The following GIPC3 variants were observed in gnomAD, a reference collection of about 807,000 sequenced individuals.
GIPC3 encodes the protein PDZ domain-containing protein GIPC3.
Under a neutral mutation model 27.3 loss-of-function variants are expected in GIPC3, and 16 were observed. That is an observed-to-expected ratio of 0.59 (90% confidence interval 0.40 to 0.89). GIPC3 has a LOEUF of 0.89. Among genes scored for constraint, GIPC3 ranks in the 40% least tolerant of loss-of-function variants. The probability of loss-of-function intolerance (pLI) is 0.00; values close to 1 mark genes in which losing one functional copy is unlikely to be tolerated. For synonymous variants in GIPC3, 194 were observed against 184.6 expected, an observed-to-expected ratio of 1.05 and a Z score of -0.41; for missense variants, 440 against 442.1, an observed-to-expected ratio of 1.00 and a Z score of 0.04.
chr19:3,589,314 C>G (rs1030643346), intron 3 of GIPC3, 129 bp from the exon 4 acceptor site: 4 of 729,264 alleles, frequency 5.5e-6, no homozygotes, highest in African/African-American at 5.2e-5. Context: ...GGAGACTTGC[C>G]GTACAGATGT....
In GIPC3 at chr19:3,590,034, C is replaced by T. The variant is rs528822982; in HGVS notation, c.788-5C>T. On this transcript the variant is annotated splice_region_variant and splice_polypyrimidine_tract_variant and intron_variant, in intron 5 of 5. Transcript: ENST00000644452. The stretch of plus-strand genomic sequence containing the variant: ...CACTGACATCCCCTCTGGCACGGCC[C>T]GCAGCGTCCACCATGGTGGAGACGT... 38 of 1,612,568 alleles carry T rather than the reference C, an allele frequency of 2.4e-5. No homozygotes were observed. The highest frequency in any genetic ancestry group is 4.4e-5 in the South Asian group (4 of 90,986).
rs2032475416 is a variant in GIPC3, at chr19:3,590,801, CGAGCCCAGCTCTAG to C, written c.*612_*625del. ...CTAGAACTCAGATGGGCTCTGAGAC[CGAGCCCAGCTCTAG>C]AACTCAGATGGGCTCTGAGACCATG... On this transcript the variant is annotated 3_prime_UTR_variant, in exon 6 of 6. Transcript: ENST00000644452. 1 of 1,234,744 alleles carries C rather than the reference CGAGCCCAGCTCTAG, an allele frequency of 8.1e-7. No individual in the cohort carries two copies. Among genetic ancestry groups the C allele is most frequent in the Non-Finnish European group, 1.0e-6 (1 of 989,858 alleles). The allele number at this position is 1,234,744 out of a possible 1,614,324, so 76.5% of individuals were successfully genotyped here. A position where few individuals can be genotyped will look rare whatever the true frequency, so the allele number is the denominator to read the frequency against.
chr19:3,586,776 G>T (rs761450311), intron 2 of GIPC3, 38 bp from the exon 3 acceptor site: 2 of 1,612,672 alleles, frequency 1.2e-6, no homozygotes, highest in Non-Finnish European at 1.7e-6. Context: ...GAGGCGGGTG[G>T]CTGGGGTTGC....
intron 3 of GIPC3, among the ~76,000 whole-genome samples, chr19:3,587,786 G>T (rs1031481887): frequency 6.8e-6 from 1 of 146,336 alleles, no homozygotes; most frequent in Non-Finnish European, 1.5e-5. Flanking sequence ...CGCCTCCCGG[G>T]TTCACACCAT....
Position 3,586,968 on chromosome 19 carries a change from G to A in GIPC3, c.566G>A (p.Arg189His). 1 of 1,612,868 alleles carries A rather than the reference G, an allele frequency of 6.2e-7. No homozygotes were observed. Residue 189 changes from arginine (R) to histidine (H), a missense_variant, in exon 3 of 6, where the codon CGC (arginine) becomes CAC (histidine). Arg to His is a conservative substitution (Grantham distance 29). Coordinates refer to ENST00000644452, the MANE Select transcript of GIPC3 (RefSeq NM_133261.3). Reference protein sequence around the residue: ...ELPKSQPFTLRLVQPKRAFDM... With the variant: ...ELPKSQPFTLHLVQPKRAFDM... Reference sequence around the variant, plus strand: ...CCCAAGTCCCAGCCCTTCACCCTGCGCCTGGTGCAGCCCAAGAGGGCCTTC... The same window carrying A: ...CCCAAGTCCCAGCCCTTCACCCTGCACCTGGTGCAGCCCAAGAGGGCCTTC...
rs2032348834 is a variant in GIPC3 at position 3,585,642 on chromosome 19, G to A, written c.45G>A (p.Pro15=). The change falls in exon 1 of 6, where the codon CCG becomes CCA. Residue 15 remains proline (P), a synonymous_variant. Transcript: ENST00000644452. ...AAREARGTET[P]RASAPPPAPS... Reference sequence around the variant, plus strand: ...GGGAGGCCCGGGGGACCGAGACCCCGCGCGCGTCTGCGCCCCCGCCCGCGC... The same window carrying A: ...GGGAGGCCCGGGGGACCGAGACCCCACGCGCGTCTGCGCCCCCGCCCGCGC... 5 of 1,195,100 alleles carry A rather than the reference G, an allele frequency of 4.2e-6. No homozygotes were observed. Among genetic ancestry groups the A allele is most frequent in the Non-Finnish European group, 5.2e-6 (5 of 966,906 alleles). The allele number at this position is 1,195,100 out of a possible 1,614,324, so 74.0% of individuals were successfully genotyped here.
rs550944597 is a variant in GIPC3, at chr19:3,585,711, C to G, written c.114C>G (p.Val38=). The change falls in exon 1 of 6, where the codon GTC becomes GTG. Residue 38 remains valine, a synonymous_variant. Coordinates refer to ENST00000644452, the MANE Select transcript of GIPC3 (RefSeq NM_133261.3). The part of the protein sequence containing the change: ...PAAPRARPRL[V]FRTQLAHGSP... Reference sequence around the variant, plus strand: ...CGCCCCGCGCCCGCCCGCGCCTCGTCTTCCGCACGCAGCTGGCGCACGGGA... The same window carrying G: ...CGCCCCGCGCCCGCCCGCGCCTCGTGTTCCGCACGCAGCTGGCGCACGGGA... The G allele has an allele frequency of 2.2e-5, 32 of 1,472,294 alleles. No individual in the cohort carries two copies. In the African/African-American group the frequency reaches 3.9e-4, roughly 18 times the overall value. The allele number at this position is 1,472,294 out of a possible 1,614,324, so 91.2% of individuals were successfully genotyped here.
intron 3 of GIPC3, 51 bp downstream of exon 3, chr19:3,587,045 G>C (rs1376650370): frequency 6.4e-7 from 1 of 1,550,730 alleles, no homozygotes; most frequent in Non-Finnish European, 8.8e-7. Context: ...TTCTACGGAT[G>C]CCTGGGGTGG....
Position 3,585,816 on chromosome 19 carries a change from C to T in GIPC3, c.219C>T (p.Pro73=), listed in dbSNP as rs1312430796. ...TCGCCGAAGCCTTCGGGATCGCGCC[C>T]ACCGAGGTAAGGAGCCCGGACACCG... is the stretch of plus-strand genomic sequence containing the variant. The part of the protein sequence containing the change: ...AKIAEAFGIA[P]TEILFCTLNS... Residue 73 remains proline (P), a synonymous_variant, in exon 1 of 6, where the codon CCC becomes CCT. Transcript: ENST00000644452. The T allele has an allele frequency of 1.9e-6, 3 of 1,544,930 alleles. No individual in the cohort carries two copies. The highest frequency in any genetic ancestry group is 3.9e-5 in the Admixed American group (2 of 50,974).
intron 4 of GIPC3, 133 bp from the exon 5 acceptor site, chr19:3,589,698 G>A (rs1406558372): frequency 9.1e-7 from 1 of 1,101,916 alleles, no homozygotes; most frequent in Non-Finnish European, 1.4e-6. Context: ...GTGGGGCAAT[G>A]ATGTTGGTAC....
chr19:3,593,300 C>T lies in GIPC3; in HGVS notation c.*3110C>T. ...GCGGGGGGCCGTAGCTTGGCTGTGA[C>T]TTAGCCCTGGTTCATGTGGTTCTCG... On this transcript the variant is annotated 3_prime_UTR_variant, in exon 6 of 6. Coordinates refer to ENST00000644452, the MANE Select transcript of GIPC3 (RefSeq NM_133261.3). 8.1e-7 allele frequency: 1 copy of T among 1,232,346 alleles called. No individual in the cohort carries two copies. The highest frequency in any genetic ancestry group is 1.0e-6 in the Non-Finnish European group (1 of 988,174). The allele number at this position is 1,232,346 out of a possible 1,614,324, so 76.3% of individuals were successfully genotyped here. A position where few individuals can be genotyped will look rare whatever the true frequency, so the allele number is the denominator to read the frequency against.
At position 3,589,916 on chromosome 19, in the gene GIPC3, AGG is replaced by A. The variant is rs1307172796; in HGVS notation, c.787+7_787+8del. On this transcript the variant is annotated splice_donor_5th_base_variant and intron_variant, in intron 5 of 5. Transcript: ENST00000644452. ...GGCATTCGGGACCCCGAGCTGGGTA[AGG>A]GGCCAGGGTAAGCCAGGGGGCCCTG... 7.4e-6 allele frequency: 12 copies of A among 1,613,640 alleles called. No homozygotes were observed. The highest frequency in any genetic ancestry group is 1.0e-5 in the Non-Finnish European group (12 of 1,179,984).
Position 3,586,503 on chromosome 19 carries a change from C to T in GIPC3, c.234C>T (p.Phe78=). 1 of 1,613,600 alleles carries T rather than the reference C, an allele frequency of 6.2e-7. No homozygotes were observed. Among genetic ancestry groups the T allele is most frequent in the Non-Finnish European group, 8.5e-7 (1 of 1,179,950 alleles). Residue 78 remains phenylalanine, a synonymous_variant, in exon 2 of 6, where the codon TTC becomes TTT. Transcript: ENST00000644452. ...AFGIAPTEIL[F]CTLNSHKVDM... Reference sequence around the variant, plus strand: ...CCTTCTCCCCCGGGAAGATTTTATTCTGCACCCTCAACAGCCACAAAGTGG... The same window carrying T: ...CCTTCTCCCCCGGGAAGATTTTATTTTGCACCCTCAACAGCCACAAAGTGG...
chr19:3,593,431 C>T lies in GIPC3; in HGVS notation c.*3241C>T, dbSNP rs939769127. 5 of 690,622 alleles carry T rather than the reference C, an allele frequency of 7.2e-6. No individual in the cohort carries two copies. The African/African-American group carries it at 9.2e-5, about 13-fold the overall frequency. The allele number at this position is 690,622 out of a possible 1,614,324, so 42.8% of individuals were successfully genotyped here. The stretch of plus-strand genomic sequence containing the variant: ...TGCGGTGGTGAAAACAGGGGCTTCA[C>T]CGGTCCTGGCTCAGATCCAGGTCCT... On this transcript the variant is annotated 3_prime_UTR_variant, in exon 6 of 6. Coordinates refer to ENST00000644452, the MANE Select transcript of GIPC3 (RefSeq NM_133261.3).
Position 3,592,476 on chromosome 19 carries a change from C to T in GIPC3, c.*2286C>T. ...CAGAACTCAGACTAGTTCTGGAAACCAGCTCAGCTCCGGGACCCAGACCAC... is the reference window on the plus strand; with the variant it reads ...CAGAACTCAGACTAGTTCTGGAAACTAGCTCAGCTCCGGGACCCAGACCAC... On this transcript the variant is annotated 3_prime_UTR_variant, in exon 6 of 6. Coordinates refer to ENST00000644452, the MANE Select transcript of GIPC3 (RefSeq NM_133261.3). The T allele has an allele frequency of 1.6e-6, 2 of 1,231,970 alleles. No homozygotes were observed. Among genetic ancestry groups the T allele is most frequent in the Non-Finnish European group, 2.0e-6 (2 of 987,986 alleles). The allele number at this position is 1,231,970 out of a possible 1,614,324, so 76.3% of individuals were successfully genotyped here. A position where few individuals can be genotyped will look rare whatever the true frequency, so the allele number is the denominator to read the frequency against.
At chr19:3,589,255 T>C in intron 3 of GIPC3, among the ~76,000 whole-genome samples, 188 bp from the exon 4 acceptor site, 1 of 152,118 alleles carries the variant, frequency 6.6e-6, no homozygotes, top group East Asian at 1.9e-4. Context: ...TCTGGACTTG[T>C]GATTTAGTTT....
rs1461203550 is a variant in GIPC3, at chr19:3,592,367, C to G, written c.*2177C>G. The G allele has an allele frequency of 1.6e-6, 2 of 1,231,958 alleles. No individual in the cohort carries two copies. Among genetic ancestry groups the G allele is most frequent in the Admixed American group, 4.2e-5 (1 of 23,696 alleles). The allele number at this position is 1,231,958 out of a possible 1,614,324, so 76.3% of individuals were successfully genotyped here. A position where few individuals can be genotyped will look rare whatever the true frequency, so the allele number is the denominator to read the frequency against. ...TTGGAACTCAGCCCAGCTCTGGGAC[C>G]CAGATAAGCTCAAGAATTCAAGCCA... On this transcript the variant is annotated 3_prime_UTR_variant, in exon 6 of 6. Coordinates refer to ENST00000644452, the MANE Select transcript of GIPC3 (RefSeq NM_133261.3).
chr19:3,586,455 C>G (rs762378623), intron 1 of GIPC3, 40 bp from the exon 2 acceptor site: 7 of 1,582,994 alleles, frequency 4.4e-6, no homozygotes, highest in Non-Finnish European at 6.1e-6. Context: ...TGGGGGGATG[C>G]ATGCCCTGGC....
In GIPC3 at chr19:3,586,967, C is replaced by A. The variant is rs387907002; in HGVS notation, c.565C>A (p.Arg189Ser). Residue 189 changes from arginine (R) to serine (S), a missense_variant, in exon 3 of 6, where the codon CGC (arginine) becomes AGC (serine). Arg to Ser is a moderately radical substitution (Grantham distance 110). Coordinates refer to ENST00000644452, the MANE Select transcript of GIPC3 (RefSeq NM_133261.3). ...GCCCAAGTCCCAGCCCTTCACCCTG[C>A]GCCTGGTGCAGCCCAAGAGGGCCTT... ...ELPKSQPFTL[R>S]LVQPKRAFDM... 1.2e-6 allele frequency: 2 copies of A among 1,612,776 alleles called. No homozygotes were observed. Among genetic ancestry groups the A allele is most frequent in the South Asian group, 1.1e-5 (1 of 91,060 alleles).
Sources: gnomAD v4.1 joint callset for allele counts (sites outside exome capture counted in the v4.1 genomes callset) on GRCh38, gnomAD v4.1.1 for gene constraint, MANE v1.5 for transcripts, NCBI Gene and HGNC (gene_info 2026-07-23, HGNC 2026-07-21) for gene names.